The following ERGIC1 variants were observed in gnomAD, a reference collection of about 807,000 sequenced individuals.
The protein encoded by ERGIC1 is endoplasmic reticulum-golgi intermediate compartment 1.
A neutral mutation model predicts 38.3 loss-of-function variants in ERGIC1; 19 were observed. The observed-to-expected ratio is 0.50, with a 90% CI of 0.35 to 0.73. The LOEUF is 0.73. Among genes scored for constraint, ERGIC1 ranks in the 30% least tolerant of loss-of-function variants. The probability of loss-of-function intolerance (pLI) is 0.01; values close to 1 mark genes in which losing one functional copy is unlikely to be tolerated. For synonymous variants in ERGIC1, 124 were observed against 157.6 expected, an observed-to-expected ratio of 0.79 and a Z score of 1.60; for missense variants, 294 against 389.2, an observed-to-expected ratio of 0.76 and a Z score of 2.06.
chr5:172,863,546 C>T (rs1183424373), intron 1 of ERGIC1, among the ~76,000 whole-genome samples: 1 of 152,300 alleles, frequency 6.6e-6, no homozygotes. Flanking sequence ...GGAGTCCTCC[C>T]GTGGCCCAGC....
At chr5:172,872,029 A>G (rs1327598543) in intron 1 of ERGIC1, among the ~76,000 whole-genome samples, 4 of 152,122 alleles carry the variant, frequency 2.6e-5, no homozygotes, top group African/African-American at 9.7e-5. Flanking sequence ...TGCTTTCTAA[A>G]GTGCACAGCT....
In ERGIC1 at chr5:172,834,368, C is replaced by T; in HGVS notation, c.-46C>T. The T allele has an allele frequency of 7.9e-7, 1 of 1,268,990 alleles. No individual in the cohort carries two copies. The highest frequency in any genetic ancestry group is 9.9e-7 in the Non-Finnish European group (1 of 1,007,584). 78.6% of individuals were successfully genotyped at this position (1,268,990 alleles called of 1,614,324 possible). A position where few individuals can be genotyped will look rare whatever the true frequency, so the allele number is the denominator to read the frequency against. On this transcript the variant is annotated 5_prime_UTR_variant, in exon 1 of 10. Coordinates refer to ENST00000393784, the MANE Select transcript of ERGIC1 (RefSeq NM_001031711.3). The surrounding 1 kb of genome is among the most constrained non-coding windows in gnomAD (Gnocchi z 4.1). ...CAGCGGGCTCGGACCCACGCGGCGC[C>T]GCGGCCCGCCTGGCCTGCAGCGCTC...
intron 1 of ERGIC1, among the ~76,000 whole-genome samples, chr5:172,840,205 G>A (rs1301511330): frequency 2.0e-5 from 3 of 152,146 alleles, no homozygotes; most frequent in Non-Finnish European, 4.4e-5. Flanking sequence ...TTACCTGCTC[G>A]CGGGGACATG....
intron 2 of ERGIC1, among the ~76,000 whole-genome samples, chr5:172,894,250 C>T (rs1762665905): frequency 2.4e-5 from 3 of 124,456 alleles, no homozygotes; most frequent in African/African-American, 6.2e-5. Context: ...GGCTGGAGTG[C>T]AGTGGCACGA....
In ERGIC1 at chr5:172,917,583, G is replaced by A. The variant is rs535744610; in HGVS notation, c.375+2745G>A. The A allele has an allele frequency of 5.3e-5, 8 of 152,244 alleles. No individual in the cohort carries two copies. The South Asian group carries it at 8.3e-4, about 16-fold the overall frequency. The allele number at this position is 152,244 out of a possible 1,614,324, so 9.4% of individuals were successfully genotyped here. On this transcript the variant is annotated intron_variant, in intron 5 of 9. Coordinates refer to ENST00000393784, the MANE Select transcript of ERGIC1 (RefSeq NM_001031711.3). ...CATTGGTTTAAGCAAGATTACCTACGGAGAGGCTGTAGATCCGTGTTCTAA... is the reference window on the plus strand; with the variant it reads ...CATTGGTTTAAGCAAGATTACCTACAGAGAGGCTGTAGATCCGTGTTCTAA...
At chr5:172,864,068 A>C (rs1463854394) in intron 1 of ERGIC1, among the ~76,000 whole-genome samples, 2 of 151,910 alleles carry the variant, frequency 1.3e-5, no homozygotes, top group African/African-American at 4.8e-5. Context: ...ATGGTGGTGC[A>C]TACTTGTAGT....
At chr5:172,907,892 T>C (rs1477835624) in intron 3 of ERGIC1, among the ~76,000 whole-genome samples, 2 of 152,162 alleles carry the variant, frequency 1.3e-5, no homozygotes, top group African/African-American at 2.4e-5. Flanking sequence ...AGACAGCATC[T>C]GTCTGATTCA....
chr5:172,855,941 C>G (rs1463963404), intron 1 of ERGIC1, among the ~76,000 whole-genome samples: 2 of 152,210 alleles, frequency 1.3e-5, no homozygotes, highest in Non-Finnish European at 2.9e-5. Flanking sequence ...TGCCAAGAGG[C>G]CTCTTTAATT....
In ERGIC1 at chr5:172,908,287, T is replaced by G. The variant is rs1480030857; in HGVS notation, c.156-1380T>G. ...GCTCACGCCTGTAATCCCAGCACTTTGGGAGGCTGAGGCGGGGGCGGGGGG... is the reference window on the plus strand; with the variant it reads ...GCTCACGCCTGTAATCCCAGCACTTGGGGAGGCTGAGGCGGGGGCGGGGGG... On this transcript the variant is annotated intron_variant, in intron 3 of 9. Transcript: ENST00000393784. Among the ~76,000 whole-genome samples, 35 of 24,688 alleles carry G rather than the reference T, an allele frequency of 1.4e-3. 1 individual carries two copies. The East Asian group carries it at 0.046, about 32-fold the overall frequency. The allele number at this position is 24,688 out of a possible 152,430, so 16.2% of individuals were successfully genotyped here.
At chr5:172,869,038 G>A (rs764054688) in intron 1 of ERGIC1, among the ~76,000 whole-genome samples, 11 of 152,214 alleles carry the variant, frequency 7.2e-5, no homozygotes, top group Non-Finnish European at 1.5e-4. Flanking sequence ...GTTCTTCCAG[G>A]CCTGCTGTCA....
chr5:172,948,869 C>T (rs768596752), intron 9 of ERGIC1, among the ~76,000 whole-genome samples: 1 of 152,010 alleles, frequency 6.6e-6, no homozygotes, highest in Admixed American at 6.6e-5. Flanking sequence ...GGCAACATAG[C>T]GAGACCTCAC....
intron 9 of ERGIC1, among the ~76,000 whole-genome samples, chr5:172,946,326 C>G (rs1287395345): frequency 1.3e-5 from 2 of 152,218 alleles, no homozygotes; most frequent in African/African-American, 4.8e-5. Flanking sequence ...CAGGCCCCAT[C>G]CCCACAGCCC....
At chr5:172,858,606 G>A (rs746189277) in intron 1 of ERGIC1, among the ~76,000 whole-genome samples, 6 of 152,194 alleles carry the variant, frequency 3.9e-5, no homozygotes, top group Admixed American at 2.0e-4. Context: ...GTCCTCTGCC[G>A]GCATCCAGCC....
chr5:172,905,405 C>T (rs779050685), intron 3 of ERGIC1: 32 of 456,076 alleles, frequency 7.0e-5, no homozygotes, highest in African/African-American at 4.0e-4. Context: ...CTGTTACCGG[C>T]GGGTCTTTGT....
intron 1 of ERGIC1, among the ~76,000 whole-genome samples, chr5:172,838,777 C>T (rs1287634143): frequency 1.3e-5 from 2 of 152,112 alleles, no homozygotes; most frequent in Non-Finnish European, 2.9e-5. Context: ...ACCCTGGTAG[C>T]CCCATCAGTT....
intron 3 of ERGIC1, among the ~76,000 whole-genome samples, chr5:172,899,182 G>A (rs188269072): frequency 6.6e-6 from 1 of 152,212 alleles, no homozygotes; most frequent in African/African-American, 2.4e-5. Flanking sequence ...ATGACCTGGT[G>A]TATGTGAAGG....
intron 3 of ERGIC1, 58 bp from the exon 4 acceptor site, chr5:172,909,609 G>T: frequency 1.3e-6 from 2 of 1,496,924 alleles, no homozygotes; most frequent in African/African-American, 1.4e-5. Context: ...GCTGTCCCCC[G>T]CAGCTGAGAT....
In ERGIC1 at chr5:172,834,586, C is replaced by CG. The variant is rs1554105689; in HGVS notation, c.20+153_20+154insG. Among the ~76,000 whole-genome samples the CG allele has an allele frequency of 5.3e-5, 7 of 133,190 alleles. 1 individual carries two copies. In the South Asian group the frequency reaches 7.9e-4, roughly 15 times the overall value. The allele number at this position is 133,190 out of a possible 152,430, so 87.4% of individuals were successfully genotyped here. ...CCCTAGGGACCCCAGGCGAGCCCCC[C>CG]CCCTGCCGCACACGAAGCCAGCCAG... On this transcript the variant is annotated intron_variant, in intron 1 of 9. Transcript: ENST00000393784. The surrounding 1 kb of genome is among the most constrained non-coding windows in gnomAD (Gnocchi z 4.1).
At chr5:172,934,655 C>T (rs530965830) in intron 8 of ERGIC1, 3 of 166,388 alleles carry the variant, frequency 1.8e-5, no homozygotes, top group Non-Finnish European at 4.0e-5. Flanking sequence ...TCATTCCCCT[C>T]AACTCTCCAT....
Sources: allele counts gnomAD v4.1 joint callset (sites outside exome capture counted in the v4.1 genomes callset), GRCh38; gene constraint gnomAD v4.1.1; non-coding constraint Gnocchi (gnomAD v3.1); transcripts MANE v1.5; gene names NCBI Gene and HGNC (gene_info 2026-07-23, HGNC 2026-07-21).